Variants in PTPRN2 observed in about 807,000 individuals in gnomAD.
PTPRN2 encodes protein tyrosine phosphatase receptor type N2, also known as receptor-type tyrosine-protein phosphatase N2.
Under a neutral mutation model 118.8 loss-of-function variants are expected in PTPRN2, and 74 were observed. That is an observed-to-expected ratio of 0.62 (90% CI 0.52 to 0.76). PTPRN2 has a LOEUF of 0.76. Among genes scored for constraint, PTPRN2 ranks in the 30% least tolerant of loss-of-function variants. PTPRN2 has a pLI of 0.00. For missense variants in PTPRN2, 1,481 were observed against 1,394.4 expected, an observed-to-expected ratio of 1.06 and a Z score of -0.99; for synonymous variants, 641 against 608.0, an observed-to-expected ratio of 1.05 and a Z score of -0.80.
Position 158,135,246 on chromosome 7 carries a change from C to T in PTPRN2, c.1174-1187G>A, listed in dbSNP as rs558926894. Among the ~76,000 whole-genome samples the T allele has an allele frequency of 2.6e-5, 4 of 152,286 alleles. No homozygotes were observed. The South Asian group carries it at 6.2e-4, about 24-fold the overall frequency. On this transcript the variant is annotated intron_variant, in intron 8 of 22. Coordinates refer to ENST00000389418, the MANE Select transcript of PTPRN2 (RefSeq NM_002847.5). ...GAAAATTAAGGAAGGACTATAGAGG[C>T]AATTATTCCCATTTTGGCTACAAAT...
At chr7:158,490,388 G>C (rs758033973) in intron 1 of PTPRN2, among the ~76,000 whole-genome samples, 3 of 152,202 alleles carry the variant, frequency 2.0e-5, no homozygotes, top group Non-Finnish European at 4.4e-5. Context: ...TGGAGGAGAC[G>C]CGGGGCAGAG....
At chr7:157,696,696 G>T (rs1328230678) in intron 12 of PTPRN2, among the ~76,000 whole-genome samples, 2 of 93,944 alleles carry the variant, frequency 2.1e-5, no homozygotes, top group Admixed American at 1.2e-4. Context: ...AGCCCTCACC[G>T]TCTACCCATG....
At chr7:158,274,339 GCGGGAGAGCCACAGA>G (rs1798793951) in intron 3 of PTPRN2, among the ~76,000 whole-genome samples, 1 of 2,052 alleles carries the variant, frequency 4.9e-4, no homozygotes, top group African/African-American at 2.3e-3. Flanking sequence ...AGCCGCAGAC[GCGGGAGAGCCACAGA>G]CACAGGGGGA....
chr7:157,904,241 G>C (rs6963986), intron 11 of PTPRN2, among the ~76,000 whole-genome samples: 1 of 152,208 alleles, frequency 6.6e-6, no homozygotes, highest in East Asian at 1.9e-4. Flanking sequence ...ATAGGATAAA[G>C]GTCACCAGGA....
intron 11 of PTPRN2, among the ~76,000 whole-genome samples, chr7:157,913,425 C>T (rs73517034): frequency 1.9e-3 from 290 of 152,328 alleles, no homozygotes; most frequent in African/African-American, 6.1e-3. Flanking sequence ...GCCTGCTGAA[C>T]GGATCCTCCT....
At chr7:158,311,203 C>T (rs1202264253) in intron 3 of PTPRN2, among the ~76,000 whole-genome samples, 2 of 152,222 alleles carry the variant, frequency 1.3e-5, no homozygotes, top group Non-Finnish European at 2.9e-5. Flanking sequence ...AGCCAGGACC[C>T]GTGCGGCCAG....
chr7:158,578,537 T>TAGAAAAAAAAA (rs1828461849), intron 1 of PTPRN2, among the ~76,000 whole-genome samples: 2 of 125,906 alleles, frequency 1.6e-5, no homozygotes, highest in Non-Finnish European at 3.3e-5. Context: ...CCTGTCTCTG[T>TAGAAAAAAAAA]AAAAAAAAAA....
At chr7:158,217,666 T>A (rs1828045246) in intron 3 of PTPRN2, among the ~76,000 whole-genome samples, 1 of 152,140 alleles carries the variant, frequency 6.6e-6, no homozygotes, top group Admixed American at 6.5e-5. Flanking sequence ...GGAAGCTCAA[T>A]GAGATACAGG....
At chr7:158,394,873 C>T (rs12539355) in intron 2 of PTPRN2, among the ~76,000 whole-genome samples, 66,148 of 152,038 alleles carry the variant, frequency 0.44, 15,327 homozygotes, top group East Asian at 0.75. Flanking sequence ...CAAAAGAGAC[C>T]GAATCGTCAC....
At chr7:157,810,398 A>C (rs1027213264) in intron 12 of PTPRN2, among the ~76,000 whole-genome samples, 6 of 151,800 alleles carry the variant, frequency 4.0e-5, no homozygotes, top group Non-Finnish European at 5.9e-5. Context: ...CAGGCTCTCC[A>C]CGGGATGGCG....
rs528934629 is a variant in PTPRN2, at chr7:158,253,632, C to A, written c.278-48359G>T. ...GGCGGTGGTCAGGTTGGCCTTGAGT[C>A]TTCCATGAGAATCTGCAGAATGCGG... is the stretch of plus-strand genomic sequence containing the variant. On this transcript the variant is annotated intron_variant, in intron 3 of 22. Coordinates refer to ENST00000389418, the MANE Select transcript of PTPRN2 (RefSeq NM_002847.5). 2.0e-5 allele frequency among the ~76,000 whole-genome samples: 3 copies of A among 152,244 alleles called. No individual in the cohort carries two copies. In the South Asian group the frequency reaches 6.2e-4, roughly 32 times the overall value.
In PTPRN2 at chr7:157,982,676, G is replaced by A. The variant is rs192226505; in HGVS notation, c.1724-83939C>T. The stretch of plus-strand genomic sequence containing the variant: ...AGAGTGCAGAGTCCCCCCAAACCCC[G>A]AGTCACAGAGATGGAGGGGAATGCA... On this transcript the variant is annotated intron_variant, in intron 11 of 22. Coordinates refer to ENST00000389418, the MANE Select transcript of PTPRN2 (RefSeq NM_002847.5). Among the ~76,000 whole-genome samples the A allele has an allele frequency of 1.0e-3, 126 of 123,818 alleles. 2 individuals carry two copies. Among genetic ancestry groups the A allele is most frequent in the Admixed American group, 2.2e-3 (25 of 11,124 alleles). The allele number at this position is 123,818 out of a possible 152,430, so 81.2% of individuals were successfully genotyped here.
chr7:158,410,865 A>AGCGCCCAG, intron 2 of PTPRN2, among the ~76,000 whole-genome samples: 2 of 152,050 alleles, frequency 1.3e-5, no homozygotes, highest in African/African-American at 4.8e-5. Context: ...AGTGCAGACA[A>AGCGCCCAG]GTGCCCAGGT....
At chr7:157,608,844 T>G (rs975432427) in intron 15 of PTPRN2, among the ~76,000 whole-genome samples, 1 of 152,102 alleles carries the variant, frequency 6.6e-6, no homozygotes, top group Non-Finnish European at 1.5e-5. Flanking sequence ...CACAGAGCAA[T>G]GGCGGGAACC....
intron 2 of PTPRN2, among the ~76,000 whole-genome samples, chr7:158,325,644 C>T (rs1379487362): frequency 3.3e-5 from 5 of 152,304 alleles, no homozygotes; most frequent in Admixed American, 2.0e-4. Flanking sequence ...AGAAAAGGCA[C>T]CCCAATTACG....
intron 2 of PTPRN2, among the ~76,000 whole-genome samples, chr7:158,458,866 C>T (rs1478850287): frequency 2.6e-5 from 4 of 152,306 alleles, no homozygotes; most frequent in East Asian, 1.9e-4. Flanking sequence ...CACCTTTGAT[C>T]CCAGGGCCCC....
At chr7:157,637,457 C>T (rs1804387653) in intron 14 of PTPRN2, among the ~76,000 whole-genome samples, 1 of 152,178 alleles carries the variant, frequency 6.6e-6, no homozygotes, top group Non-Finnish European at 1.5e-5. Flanking sequence ...ACACCAGCCT[C>T]CAGCAGCCTG....
At chr7:158,505,657 G>C (rs1822690517) in intron 1 of PTPRN2, among the ~76,000 whole-genome samples, 1 of 151,450 alleles carries the variant, frequency 6.6e-6, no homozygotes, top group African/African-American at 2.4e-5. Context: ...ACAGTGAGAA[G>C]AGGGAATGGG....
At chr7:158,364,097 G>C (rs1365879846) in intron 2 of PTPRN2, among the ~76,000 whole-genome samples, 3 of 152,146 alleles carry the variant, frequency 2.0e-5, no homozygotes, top group East Asian at 1.9e-4. Flanking sequence ...AATTCCTTAA[G>C]ACCAAAAACC....
Sources: allele counts gnomAD v4.1 joint callset (sites outside exome capture counted in the v4.1 genomes callset), GRCh38; gene constraint gnomAD v4.1.1; transcripts MANE v1.5; gene names NCBI Gene and HGNC (gene_info 2026-07-23, HGNC 2026-07-21).